The following KDM5B variants were observed in gnomAD, a reference collection of about 807,000 sequenced individuals.
KDM5B encodes the protein lysine-specific demethylase 5B.
KDM5B carries 144 observed loss-of-function variants against 193.4 expected under a neutral mutation model. That is an observed-to-expected ratio of 0.74 (90% CI 0.65 to 0.86). The LOEUF is 0.86. KDM5B is among the 40% of genes least tolerant of loss of function. The pLI is 0.00. For missense variants in KDM5B, 1,833 were observed against 1,886.9 expected (o/e 0.97, Z 0.53); for synonymous variants, 668 against 682.6 (o/e 0.98, Z 0.33).
rs1226899300 is a variant in KDM5B, at chr1:202,729,306, C to A, written c.4498-133G>T. ...CCCACCACTGGGACCTCTGGCACAA[C>A]AGCTAAGCCAAATGAGTGTAGCTGG... On this transcript the variant is annotated intron_variant, in intron 26 of 26. Transcript: ENST00000367265. The A allele has an allele frequency of 3.2e-6, 3 of 926,536 alleles. No homozygotes were observed. In the Admixed American group the frequency reaches 6.5e-5, roughly 20 times the overall value. The allele number at this position is 926,536 out of a possible 1,614,324, so 57.4% of individuals were successfully genotyped here.
At chr1:202,774,321 T>G (rs1656846849) in intron 3 of KDM5B, among the ~76,000 whole-genome samples, 1 of 152,200 alleles carries the variant, frequency 6.6e-6, no homozygotes, top group Admixed American at 6.5e-5. Flanking sequence ...CACAGCTCAC[T>G]GCAGCCTCCA....
At chr1:202,738,945 G>T (rs952504563) in intron 20 of KDM5B, among the ~76,000 whole-genome samples, 2 of 152,156 alleles carry the variant, frequency 1.3e-5, no homozygotes, top group Non-Finnish European at 1.5e-5. Flanking sequence ...TGGTGGAAAT[G>T]ACTTTGGATA....
At chr1:202,765,232 T>C (rs560219976) in intron 5 of KDM5B, among the ~76,000 whole-genome samples, 1 of 77,872 alleles carries the variant, frequency 1.3e-5, no homozygotes, top group East Asian at 4.8e-4. Context: ...AAACTATTAT[T>C]ATAAACTACA....
At chr1:202,779,046 T>C (rs1161338824) in intron 1 of KDM5B, among the ~76,000 whole-genome samples, 2 of 152,176 alleles carry the variant, frequency 1.3e-5, no homozygotes, top group Non-Finnish European at 2.9e-5. Flanking sequence ...AGGCTCACAA[T>C]AGTGGTTGTC....
Position 202,736,247 on chromosome 1 carries a change from A to G in KDM5B, c.3230T>C (p.Phe1077Ser), listed in dbSNP as rs1275346528. 1 of 1,600,284 alleles carries G rather than the reference A, an allele frequency of 6.2e-7. No homozygotes were observed. The highest frequency in any genetic ancestry group is 8.5e-7 in the Non-Finnish European group (1 of 1,173,102). Residue 1077 changes from phenylalanine to serine, a missense_variant, in exon 21 of 27, where the codon TTC becomes TCC. Coordinates refer to ENST00000367265, the MANE Select transcript of KDM5B (RefSeq NM_006618.5). ...QAWKECAVNTFLTENSPYSLL... is the reference protein window; with the variant it reads ...QAWKECAVNTSLTENSPYSLL... ...AGAATATGGAGAATTCTCAGTCAAG[A>G]ATGTATTAACAGCACATTCTTTCCA...
chr1:202,765,854 ATC>A (rs1220910082), intron 5 of KDM5B, among the ~76,000 whole-genome samples: 2 of 152,176 alleles, frequency 1.3e-5, no homozygotes, highest in Non-Finnish European at 2.9e-5. Context: ...CCTATATATT[ATC>A]TCTGAGTCCT....
intron 1 of KDM5B, 99 bp downstream of exon 1, chr1:202,808,003 C>T (rs1658377987): frequency 1.6e-6 from 2 of 1,252,604 alleles, no homozygotes; most frequent in Admixed American, 3.1e-5. Context: ...GGCGGGGCGA[C>T]CGGCTCCCCG....
At chr1:202,783,616 G>A (rs933627681) in intron 1 of KDM5B, among the ~76,000 whole-genome samples, 2 of 152,214 alleles carry the variant, frequency 1.3e-5, no homozygotes, top group Non-Finnish European at 2.9e-5. Context: ...AGTGGCTCAC[G>A]CCTGTAATCC....
At chr1:202,791,069 A>C (rs1657623693) in intron 1 of KDM5B, among the ~76,000 whole-genome samples, 1 of 152,240 alleles carries the variant, frequency 6.6e-6, no homozygotes, top group South Asian at 2.1e-4. Flanking sequence ...GATGGTAGAT[A>C]AAAGTATGTC....
rs1558501753 is a variant in KDM5B at position 202,767,106 on chromosome 1, ACAT to A, written c.577-49_577-47del. On this transcript the variant is annotated intron_variant, in intron 4 of 26. Coordinates refer to ENST00000367265, the MANE Select transcript of KDM5B (RefSeq NM_006618.5). Reference sequence around the variant, plus strand: ...GATAAATTCCCTCCTTTTTTTTTTCACATCATAAGTTTATTGACAAACATATCT... The same window carrying A: ...GATAAATTCCCTCCTTTTTTTTTTCACATAAGTTTATTGACAAACATATCT... The A allele has an allele frequency of 1.8e-5, 28 of 1,587,924 alleles. 2 individuals are homozygous for A. In the Middle Eastern group the frequency reaches 8.6e-4, roughly 49 times the overall value.
At chr1:202,749,603 C>A (rs899018656) in intron 13 of KDM5B, among the ~76,000 whole-genome samples, 3 of 79,304 alleles carry the variant, frequency 3.8e-5, no homozygotes, top group Non-Finnish European at 1.1e-4. Flanking sequence ...AAATTCCTAG[C>A]CTAGGCCCTA....
intron 5 of KDM5B, 32 bp downstream of exon 5, chr1:202,766,894 T>A: frequency 6.4e-7 from 1 of 1,551,658 alleles, no homozygotes; most frequent in Non-Finnish European, 8.6e-7. Flanking sequence ...GGCTTGAGAA[T>A]TCCTTTTAAA....
chr1:202,780,163 G>A (rs1657142378), intron 1 of KDM5B, among the ~76,000 whole-genome samples: 1 of 151,712 alleles, frequency 6.6e-6, no homozygotes, highest in African/African-American at 2.4e-5. Context: ...TGACCCAGCA[G>A]TTTTGTTTAT....
At position 202,760,369 on chromosome 1, in the gene KDM5B, G is replaced by A. The variant is rs746601156; in HGVS notation, c.1077+46C>T. 3.8e-6 allele frequency: 5 copies of A among 1,321,558 alleles called. 1 individual carries two copies. Among genetic ancestry groups the A allele is most frequent in the South Asian group, 2.9e-5 (2 of 69,152 alleles). 81.9% of individuals were successfully genotyped at this position (1,321,558 alleles called of 1,614,324 possible). A position where few individuals can be genotyped will look rare whatever the true frequency, so the allele number is the denominator to read the frequency against. On this transcript the variant is annotated intron_variant, in intron 8 of 26. Transcript: ENST00000367265. ...ATAAAACTCAAAGGCAAAGAAAAAT[G>A]CCCTAAAAAAATTTTTCTAGTGTTA... is the stretch of plus-strand genomic sequence containing the variant.
chr1:202,764,041 T>C lies in KDM5B; in HGVS notation c.808+8A>G, dbSNP rs370964625. ...TTTTCTTTCCTATTCATTGACAAAT[T>C]TTCTTACCATTTTCACATTTTGGAG... On this transcript the variant is annotated splice_region_variant and intron_variant, in intron 6 of 26. Transcript: ENST00000367265. 4.0e-6 allele frequency: 6 copies of C among 1,482,266 alleles called. No homozygotes were observed. The highest frequency in any genetic ancestry group is 5.6e-6 in the Non-Finnish European group (6 of 1,076,208). 91.8% of individuals were successfully genotyped at this position (1,482,266 alleles called of 1,614,324 possible). A position where few individuals can be genotyped will look rare whatever the true frequency, so the allele number is the denominator to read the frequency against.
intron 12 of KDM5B, 26 bp downstream of exon 12, chr1:202,752,878 TG>T: frequency 6.3e-7 from 1 of 1,585,880 alleles, no homozygotes; most frequent in Non-Finnish European, 8.6e-7. Flanking sequence ...TAAGCTTGAG[TG>T]GCAGGAGGAT....
intron 26 of KDM5B, 135 bp downstream of exon 26, chr1:202,729,572 G>C: frequency 1.4e-6 from 1 of 711,242 alleles, no homozygotes; most frequent in Non-Finnish European, 2.3e-6. Flanking sequence ...TATCAGTGGG[G>C]GAAGGGCTGA....
chr1:202,766,895 T>A (rs1167984325), intron 5 of KDM5B, 31 bp downstream of exon 5: 1 of 1,552,252 alleles, frequency 6.4e-7, no homozygotes. Context: ...GCTTGAGAAT[T>A]CCTTTTAAAT....
chr1:202,730,807 C>T (rs1047268648), intron 25 of KDM5B, 102 bp downstream of exon 25: 7 of 1,183,770 alleles, frequency 5.9e-6, no homozygotes, highest in Middle Eastern at 3.0e-4. Flanking sequence ...AGTCTAATCG[C>T]CCAGTCCTCA....
Sources: gnomAD v4.1 joint callset for allele counts (sites outside exome capture counted in the v4.1 genomes callset) on GRCh38, gnomAD v4.1.1 for gene constraint, MANE v1.5 for transcripts, NCBI Gene and HGNC (gene_info 2026-07-23, HGNC 2026-07-21) for gene names.